The following FCHO1 variants were observed in gnomAD, a reference collection of about 807,000 sequenced individuals.
The protein encoded by FCHO1 is FCH and mu domain containing endocytic adaptor 1, also known as F-BAR domain only protein 1.
Under a neutral mutation model 114.4 loss-of-function variants are expected in FCHO1, and 45 were observed. The observed-to-expected ratio is 0.39, with a 90% CI of 0.31 to 0.50. The LOEUF is 0.50. Among genes scored for constraint, FCHO1 ranks in the 20% least tolerant of loss-of-function variants. FCHO1 has a pLI of 0.77. For missense variants in FCHO1, 1,042 were observed against 1,209.6 expected, an observed-to-expected ratio of 0.86 and a Z score of 2.06; for synonymous variants, 480 against 488.9, an observed-to-expected ratio of 0.98 and a Z score of 0.24.
rs752333328 is a variant in FCHO1 at position 17,784,860 on chromosome 19, G to A, written c.2362G>A (p.Val788Ile). Residue 788 changes from valine (V) to isoleucine (I), a missense_variant, in exon 26 of 29, where the codon GTC becomes ATC. Physicochemically the swap from Val to Ile is conservative, Grantham distance 29. Around this residue, in one of 3 missense-constraint regions of FCHO1, gnomAD observed 137 missense variants for 190.0 expected, o/e 0.72. Transcript: ENST00000596536. The surrounding 1 kb of genome is among the most constrained non-coding windows in gnomAD (Gnocchi z 5.3). ...ATAVPTPLTN[V>I]QILLPVGEPV... ...GGCTGTGCCCACACCACTCACGAAC[G>A]TCCAGATCCTGCTGCCTGTGGGGGA... The A allele has an allele frequency of 2.2e-5, 36 of 1,613,570 alleles. No individual in the cohort carries two copies. The highest frequency in any genetic ancestry group is 1.6e-4 in the Middle Eastern group (1 of 6,084).
chr19:17,776,158 A>G lies in FCHO1; in HGVS notation c.1179A>G (p.Pro393=), dbSNP rs763810902. The G allele has an allele frequency of 6.2e-7, 1 of 1,613,820 alleles. No individual in the cohort carries two copies. The highest frequency in any genetic ancestry group is 8.5e-7 in the Non-Finnish European group (1 of 1,179,890). The change falls in exon 16 of 29, where the codon CCA becomes CCG. Residue 393 remains proline, a synonymous_variant. Coordinates refer to ENST00000596536, the MANE Select transcript of FCHO1 (RefSeq NM_015122.3). This position sits in a 1 kb window ranked among gnomAD's most constrained non-coding sequence, Gnocchi z 4.4. ...TAGSLILPPG[P]GGTMKRHSSR... ...GCAGCCTCATCCTTCCTCCTGGCCC[A>G]GGGGTGAGGCGTGGGAGGGGTGCCC...
At chr19:17,781,565 G>A (rs1202323530) in intron 22 of FCHO1, 26 bp downstream of exon 22, 2 of 1,611,844 alleles carry the variant, frequency 1.2e-6, no homozygotes, top group Non-Finnish European at 1.7e-6. Flanking sequence ...CCTGGGCCTG[G>A]CTTTGGGCCT....
chr19:17,758,400 A>G (rs1259207352), intron 4 of FCHO1, among the ~76,000 whole-genome samples: 2 of 152,080 alleles, frequency 1.3e-5, no homozygotes, highest in Admixed American at 6.6e-5. Flanking sequence ...AGCCTGGACA[A>G]AATGTGGTGG....
Position 17,770,531 on chromosome 19 carries a change from A to C in FCHO1, c.443A>C (p.Gln148Pro). 1 of 1,613,812 alleles carries C rather than the reference A, an allele frequency of 6.2e-7. No individual in the cohort carries two copies. Among genetic ancestry groups the C allele is most frequent in the Non-Finnish European group, 8.5e-7 (1 of 1,179,768 alleles). ...RENYLNRCMD[Q>P]ERLRRESTSQ... ...AACTACCTGAACCGTTGCATGGACC[A>C]GGAGCGGCTGCGGAGGGAGAGTACC... is the stretch of plus-strand genomic sequence containing the variant. The change falls in exon 8 of 29, where the codon CAG becomes CCG. Residue 148 changes from glutamine (Q) to proline (P), a missense_variant. By Grantham distance (76) the Gln-to-Pro change is moderately conservative (BLOSUM62 -1). This residue lies in a region of FCHO1 where 450 missense variants were observed against 564.1 expected (regional missense o/e 0.80). Coordinates refer to ENST00000596536, the MANE Select transcript of FCHO1 (RefSeq NM_015122.3).
At chr19:17,756,661 A>G (rs943430997) in intron 4 of FCHO1, among the ~76,000 whole-genome samples, 5 of 152,072 alleles carry the variant, frequency 3.3e-5, no homozygotes, top group African/African-American at 7.2e-5. Flanking sequence ...CTCCCACCCC[A>G]TGCACCCCAC....
In FCHO1 at chr19:17,764,417, C is replaced by G. The variant is rs1467203423; in HGVS notation, c.162C>G (p.Leu54=). ...EETYSKAMAK[L]SKLASNGTPM... ...CCTACTCGAAGGCGATGGCGAAACT[C>G]TCCAAGCTGGCCAGCAACGGGACCC... is the stretch of plus-strand genomic sequence containing the variant. Residue 54 remains leucine, a synonymous_variant, in exon 6 of 29, where the codon CTC becomes CTG. Coordinates refer to ENST00000596536, the MANE Select transcript of FCHO1 (RefSeq NM_015122.3). The G allele has an allele frequency of 1.2e-6, 2 of 1,613,434 alleles. No individual in the cohort carries two copies. Among genetic ancestry groups the G allele is most frequent in the South Asian group, 2.2e-5 (2 of 91,046 alleles).
rs1417757568 is a variant in FCHO1 at position 17,786,479 on chromosome 19, G to A, written c.2427-95G>A. 35 of 1,286,322 alleles carry A rather than the reference G, an allele frequency of 2.7e-5. No individual in the cohort carries two copies. In the Admixed American group the frequency reaches 7.0e-4, roughly 26 times the overall value. The allele number at this position is 1,286,322 out of a possible 1,614,324, so 79.7% of individuals were successfully genotyped here. A position where few individuals can be genotyped will look rare whatever the true frequency, so the allele number is the denominator to read the frequency against. On this transcript the variant is annotated intron_variant, in intron 26 of 28. Transcript: ENST00000596536. ...TGAGGTGAAGTGGGGGAGAAGGTTTGTTGGGGTCACACAGCCAGGAGGCAG... is the reference window on the plus strand; with the variant it reads ...TGAGGTGAAGTGGGGGAGAAGGTTTATTGGGGTCACACAGCCAGGAGGCAG...
intron 19 of FCHO1, 32 bp downstream of exon 19, chr19:17,778,260 T>C: frequency 6.4e-7 from 1 of 1,570,026 alleles, no homozygotes; most frequent in Non-Finnish European, 8.8e-7. Context: ...AGGGCATGGG[T>C]GTGGCCGGAG....
upstream of FCHO1, among the ~76,000 whole-genome samples, chr19:17,750,810 G>A (rs993581088): frequency 6.7e-6 from 1 of 149,188 alleles, no homozygotes; most frequent in Non-Finnish European, 1.5e-5. Context: ...ATGCAAAAAT[G>A]TCTTCCCCTT....
intron 24 of FCHO1, among the ~76,000 whole-genome samples, chr19:17,783,666 C>T (rs368153003): frequency 4.6e-5 from 7 of 152,070 alleles, no homozygotes; most frequent in African/African-American, 9.6e-5. Context: ...CTGCAAGCTC[C>T]GCCTTCCGGA....
chr19:17,778,104 T>C, intron 18 of FCHO1, 33 bp from the exon 19 acceptor site: 1 of 1,546,066 alleles, frequency 6.5e-7, no homozygotes, highest in Non-Finnish European at 8.9e-7. Context: ...TTGGGAAAAA[T>C]AGAAGCAGCC....
At chr19:17,763,021 T>C (rs1162868112) in intron 5 of FCHO1, among the ~76,000 whole-genome samples, 168 bp downstream of exon 5, 1 of 152,152 alleles carries the variant, frequency 6.6e-6, no homozygotes, top group Non-Finnish European at 1.5e-5. Flanking sequence ...GTCAGGCCCA[T>C]ATCTCCTTTT....
intron 9 of FCHO1, among the ~76,000 whole-genome samples, 155 bp from the exon 10 acceptor site, chr19:17,772,302 T>G (rs967170839): frequency 3.3e-5 from 5 of 152,088 alleles, no homozygotes; most frequent in African/African-American, 4.8e-5. Context: ...TCCTGTAGAG[T>G]CAATGAAAGT....
intron 4 of FCHO1, among the ~76,000 whole-genome samples, chr19:17,761,244 T>G (rs1361737177): frequency 1.3e-5 from 2 of 152,122 alleles, no homozygotes; most frequent in Non-Finnish European, 2.9e-5. Context: ...TGGACCCTAA[T>G]TTGGGTTCTC....
At position 17,762,992 on chromosome 19, in the gene FCHO1, A is replaced by G. The variant is rs767146392; in HGVS notation, c.119+139A>G. On this transcript the variant is annotated intron_variant, in intron 5 of 28. Coordinates refer to ENST00000596536, the MANE Select transcript of FCHO1 (RefSeq NM_015122.3). The stretch of plus-strand genomic sequence containing the variant: ...CCAGAGGGGCTCGAAAATCCTGGAA[A>G]TGACCGATTCTCAACCCGGTCAGGC... 5.4e-4 allele frequency: 332 copies of G among 612,282 alleles called. 1 individual carries two copies. The highest frequency in any genetic ancestry group is 8.7e-4 in the Non-Finnish European group (295 of 340,712). 37.9% of individuals were successfully genotyped at this position (612,282 alleles called of 1,614,324 possible).
chr19:17,770,751 G>A, intron 8 of FCHO1, 41 bp from the exon 9 acceptor site: 2 of 1,603,242 alleles, frequency 1.2e-6, no homozygotes, highest in Non-Finnish European at 1.7e-6. Flanking sequence ...GGCCCCCTGA[G>A]TATCGCCCTC....
chr19:17,762,966 A>G, intron 5 of FCHO1, 113 bp downstream of exon 5: 1 of 701,130 alleles, frequency 1.4e-6, no homozygotes, highest in Non-Finnish European at 2.5e-6. Context: ...GATTCCAGGA[A>G]CCAGAGGGGC....
At chr19:17,771,598 G>T (rs1441969874) in intron 9 of FCHO1, among the ~76,000 whole-genome samples, 2 of 151,926 alleles carry the variant, frequency 1.3e-5, no homozygotes, top group East Asian at 3.9e-4. Flanking sequence ...GAACCCAGGA[G>T]GCGGAGCTTG....
rs1365220495 is a variant in FCHO1 at position 17,783,229 on chromosome 19, G to T, written c.2093+57G>T. 3.9e-6 allele frequency: 6 copies of T among 1,545,736 alleles called. No homozygotes were observed. The South Asian group carries it at 7.1e-5, about 18-fold the overall frequency. ...GGAGGCTGCTGGGGATCAGGCTTCC[G>T]GACTCTGAGTTCCCTCTCTGCTTCC... On this transcript the variant is annotated intron_variant, in intron 24 of 28. Transcript: ENST00000596536.
Sources: allele counts gnomAD v4.1 joint callset (sites outside exome capture counted in the v4.1 genomes callset), GRCh38; gene constraint gnomAD v4.1.1; regional missense constraint gnomAD v4.1.1; non-coding constraint Gnocchi (gnomAD v3.1); transcripts MANE v1.5; gene names NCBI Gene and HGNC (gene_info 2026-07-23, HGNC 2026-07-21).